LCOR: variants seen among roughly 807,000 people sequenced by gnomAD.
The protein encoded by LCOR is ligand dependent nuclear receptor corepressor.
A neutral mutation model predicts 64.4 loss-of-function variants in LCOR; 14 were observed. The observed-to-expected ratio is 0.22, with a 90% CI of 0.14 to 0.34. LCOR has a LOEUF of 0.34. Ranked by LOEUF, LCOR falls within the 10% of genes least tolerant of loss-of-function variation. LCOR has a pLI of 1.00. For synonymous variants in LCOR, 643 were observed against 642.5 expected, an observed-to-expected ratio of 1.00 and a Z score of -0.01; for missense variants, 1,686 against 1,765.3, an observed-to-expected ratio of 0.96 and a Z score of 0.80.
chr10:96,881,292 A>G (rs926344393), intron 2 of LCOR, among the ~76,000 whole-genome samples: 2 of 152,220 alleles, frequency 1.3e-5, no homozygotes, highest in African/African-American at 4.8e-5. Context: ...TGAAGATTAC[A>G]CAAAGTAATG....
chr10:96,928,053 C>T (rs758393517), intron 4 of LCOR, among the ~76,000 whole-genome samples: 5 of 152,138 alleles, frequency 3.3e-5, no homozygotes, highest in Admixed American at 6.6e-5. Context: ...GGTGAAAGGT[C>T]TTGTCTTGAT....
Position 96,983,238 on chromosome 10 carries a change from G to T in LCOR, c.2778G>T (p.Glu926Asp), listed in dbSNP as rs746397857. The T allele has an allele frequency of 6.2e-7, 1 of 1,614,056 alleles. No homozygotes were observed. Among genetic ancestry groups the T allele is most frequent in the Non-Finnish European group, 8.5e-7 (1 of 1,180,036 alleles). The change falls in exon 8 of 8, where the codon GAG (glutamate) becomes GAT (aspartate). Residue 926 changes from glutamate to aspartate, a missense_variant. Coordinates refer to ENST00000421806, the MANE Select transcript of LCOR (RefSeq NM_001346516.2). This position sits in a 1 kb window ranked among gnomAD's most constrained non-coding sequence, Gnocchi z 4.5. ...AAGAAGTCAAGGAGTTACGAGGAGA[G>T]ATTTTCCCCAGCAGGGACCCCATAA... Reference protein sequence around the residue: ...LDKEVKELRGEIFPSRDPITT... With the variant: ...LDKEVKELRGDIFPSRDPITT...
chr10:96,915,097 A>G (rs1195637173), intron 4 of LCOR, among the ~76,000 whole-genome samples: 2 of 152,206 alleles, frequency 1.3e-5, no homozygotes, highest in Non-Finnish European at 2.9e-5. Flanking sequence ...AAGTCTCTCA[A>G]AACTAGGAGG....
intron 4 of LCOR, chr10:96,915,649 C>T (rs892159570): frequency 2.4e-5 from 21 of 881,746 alleles, no homozygotes; most frequent in Non-Finnish European, 3.9e-5. Flanking sequence ...ATCTGCAGCA[C>T]CTTCAGCTTT....
intron 2 of LCOR, among the ~76,000 whole-genome samples, chr10:96,883,259 C>T (rs1390299971): frequency 6.6e-6 from 1 of 152,144 alleles, no homozygotes; most frequent in Non-Finnish European, 1.5e-5. Context: ...GTCTTGAACT[C>T]CAACCTCAGG....
chr10:96,940,302 GATTTT>G (rs1847428821), intron 4 of LCOR, among the ~76,000 whole-genome samples: 1 of 98,052 alleles, frequency 1.0e-5, no homozygotes, highest in African/African-American at 4.0e-5. Flanking sequence ...AGGTGGTCAT[GATTTT>G]TTTTTTTTTT....
chr10:96,882,876 T>C (rs550814751), intron 2 of LCOR, among the ~76,000 whole-genome samples: 14 of 152,280 alleles, frequency 9.2e-5, no homozygotes, highest in African/African-American at 3.4e-4. Context: ...TACACTTCTT[T>C]AATGCGTATT....
At position 96,984,868 on chromosome 10, in the gene LCOR, C is replaced by G. The variant is rs756520040; in HGVS notation, c.4408C>G (p.Pro1470Ala). 1 of 1,614,020 alleles carries G rather than the reference C, an allele frequency of 6.2e-7. No homozygotes were observed. The highest frequency in any genetic ancestry group is 8.5e-7 in the Non-Finnish European group (1 of 1,180,020). ...AAAGTCCGCTGGGAAGAGCTGCCCT[C>G]CCTCCAGGAAAGAAAAAGAGAATAC... ...PKKSAGKSCP[P>A]SRKEKENTNK... The change falls in exon 8 of 8, where the codon CCC becomes GCC. Residue 1470 changes from proline (P) to alanine (A), a missense_variant. Physicochemically the swap from Pro to Ala is conservative, Grantham distance 27. Coordinates refer to ENST00000421806, the MANE Select transcript of LCOR (RefSeq NM_001346516.2).
At chr10:96,861,760 G>A (rs1455833277) in intron 2 of LCOR, among the ~76,000 whole-genome samples, 1 of 152,156 alleles carries the variant, frequency 6.6e-6, no homozygotes, top group Non-Finnish European at 1.5e-5. Context: ...TGGCCAGGCT[G>A]GTCTTGAGTG....
At chr10:96,879,554 G>T (rs1389339505) in intron 2 of LCOR, among the ~76,000 whole-genome samples, 1 of 152,198 alleles carries the variant, frequency 6.6e-6, no homozygotes, top group East Asian at 1.9e-4. Flanking sequence ...AAGAGTCGTA[G>T]AAATTATATC....
In LCOR at chr10:96,933,449, A is replaced by T. The variant is rs539308385; in HGVS notation, c.-183-10664A>T. On this transcript the variant is annotated intron_variant, in intron 4 of 7. Coordinates refer to ENST00000421806, the MANE Select transcript of LCOR (RefSeq NM_001346516.2). ...CTTTATTTATATAGAGGAATAAAAG[A>T]CAAAAGAACACAAGTCCCTGGTTAA... is the stretch of plus-strand genomic sequence containing the variant. 3.6e-4 allele frequency among the ~76,000 whole-genome samples: 55 copies of T among 152,354 alleles called. 1 individual carries two copies. Among genetic ancestry groups the T allele is most frequent in the African/African-American group, 1.2e-3 (49 of 41,578 alleles).
intron 7 of LCOR, among the ~76,000 whole-genome samples, chr10:96,953,654 C>T (rs1021870948): frequency 6.6e-6 from 1 of 152,192 alleles, no homozygotes; most frequent in Non-Finnish European, 1.5e-5. Flanking sequence ...GCTTAAGATT[C>T]TCTGTAAACT....
intron 1 of LCOR, 168 bp from the exon 2 acceptor site, chr10:96,833,238 C>T (rs1002381316): frequency 1.0e-6 from 1 of 974,336 alleles, no homozygotes; most frequent in African/African-American, 1.8e-5. Context: ...GGAGCCGCAG[C>T]CTCGCCCGAA....
At chr10:96,959,447 A>T (rs1206651644) in intron 7 of LCOR, 1 of 152,122 alleles carries the variant, frequency 6.6e-6, no homozygotes, top group African/African-American at 2.4e-5. Flanking sequence ...ATTTTCAGAG[A>T]CCTTGATGTT....
intron 2 of LCOR, among the ~76,000 whole-genome samples, chr10:96,890,142 G>C (rs766965349): frequency 2.0e-5 from 3 of 151,738 alleles, no homozygotes; most frequent in Admixed American, 2.0e-4. Flanking sequence ...TCGCTGTGTC[G>C]CCCAAGCTGG....
Position 96,949,013 on chromosome 10 carries a change from C to T in LCOR, c.-45C>T. 6.2e-7 allele frequency: 1 copy of T among 1,607,164 alleles called. No individual in the cohort carries two copies. Among genetic ancestry groups the T allele is most frequent in the Non-Finnish European group, 8.5e-7 (1 of 1,175,372 alleles). ...AAATAAATCTTTATTTACAGACAGT[C>T]CCTGGGTCTCCGACCCCAATATTCC... On this transcript the variant is annotated 5_prime_UTR_variant, in exon 6 of 8. Coordinates refer to ENST00000421806, the MANE Select transcript of LCOR (RefSeq NM_001346516.2).
intron 5 of LCOR, among the ~76,000 whole-genome samples, chr10:96,944,790 A>G (rs927836481): frequency 1.8e-4 from 27 of 151,890 alleles, no homozygotes; most frequent in African/African-American, 6.0e-4. Flanking sequence ...TAATAGCTCA[A>G]CCTCTTGCAT....
intron 4 of LCOR, among the ~76,000 whole-genome samples, chr10:96,930,771 T>TA (rs1468789948): frequency 6.6e-6 from 1 of 152,094 alleles, no homozygotes; most frequent in African/African-American, 2.4e-5. Context: ...TTAATGGAAT[T>TA]AAAAAAGGGG....
chr10:96,920,470 GTATA>G (rs1459800854), intron 4 of LCOR, among the ~76,000 whole-genome samples: 1 of 135,460 alleles, frequency 7.4e-6, no homozygotes. Context: ...TCATATATGT[GTATA>G]TATATGTATA....
Sources: gnomAD v4.1 joint callset for allele counts (sites outside exome capture counted in the v4.1 genomes callset) on GRCh38, gnomAD v4.1.1 for gene constraint, Gnocchi (gnomAD v3.1) non-coding constraint, MANE v1.5 for transcripts, NCBI Gene and HGNC (gene_info 2026-07-23, HGNC 2026-07-21) for gene names.